NUP210L: variants seen among roughly 807,000 people sequenced by gnomAD.
NUP210L encodes nucleoporin 210 like, also known as nuclear pore membrane glycoprotein 210-like.
NUP210L carries 74 observed loss-of-function variants against 208.5 expected under a neutral mutation model. The ratio of observed to expected loss-of-function variants is 0.35; its 90% CI spans 0.29 to 0.43. The LOEUF is 0.43. Ranked by LOEUF, NUP210L falls within the 20% of genes least tolerant of loss-of-function variation. The pLI is 1.00. For synonymous variants in NUP210L, 780 were observed against 816.9 expected (o/e 0.95, Z 0.77); for missense variants, 1,843 against 2,289.4 (o/e 0.81, Z 3.98).
chr1:153,997,185 A>C (rs933524419), intron 37 of NUP210L, among the ~76,000 whole-genome samples: 1 of 151,306 alleles, frequency 6.6e-6, no homozygotes, highest in African/African-American at 2.4e-5. Flanking sequence ...GATGGTCTCG[A>C]ACTCCTCACC....
Position 154,095,164 on chromosome 1 carries a change from T to C in NUP210L, c.1966-8A>G. 6.3e-7 allele frequency: 1 copy of C among 1,598,972 alleles called. No homozygotes were observed. The highest frequency in any genetic ancestry group is 2.2e-5 in the East Asian group (1 of 44,782). ...TTCCACAGGATTTAAAGCCTGATGATATTTAAAGAAATTAATTCCTGATAG... is the reference window on the plus strand; with the variant it reads ...TTCCACAGGATTTAAAGCCTGATGACATTTAAAGAAATTAATTCCTGATAG... On this transcript the variant is annotated splice_polypyrimidine_tract_variant and splice_region_variant and intron_variant, in intron 14 of 39. Coordinates refer to ENST00000368559, the Ensembl canonical transcript of NUP210L.
At chr1:154,042,707 C>G (rs1202147699) in intron 27 of NUP210L, among the ~76,000 whole-genome samples, 1 of 149,190 alleles carries the variant, frequency 6.7e-6, no homozygotes, top group South Asian at 2.1e-4. Flanking sequence ...GGATTACAGG[C>G]GTGAGCCACC....
chr1:154,052,223 G>A (rs976973282), intron 25 of NUP210L, among the ~76,000 whole-genome samples: 3 of 152,122 alleles, frequency 2.0e-5, no homozygotes, highest in African/African-American at 7.2e-5. Context: ...TAATAACTTG[G>A]GGTAGAGGTT....
At chr1:154,123,288 G>A (rs2148109489) in intron 10 of NUP210L, among the ~76,000 whole-genome samples, 1 of 152,140 alleles carries the variant, frequency 6.6e-6, no homozygotes, top group East Asian at 1.9e-4. Flanking sequence ...CGGGATTATA[G>A]GCACGCGCCA....
intron 35 of NUP210L, among the ~76,000 whole-genome samples, chr1:154,005,393 T>C (rs1365946965): frequency 2.0e-5 from 3 of 151,400 alleles, no homozygotes; most frequent in African/African-American, 7.3e-5. Flanking sequence ...CAGGCCTGGC[T>C]AATTTTTGTA....
exon 34 of NUP210L, chr1:154,012,274 T>C (rs1305211538): frequency 6.2e-7 from 1 of 1,613,898 alleles, no homozygotes; most frequent in East Asian, 2.2e-5. Context: ...CTGCCAGTGG[T>C]GATGAAGAGC....
intron 35 of NUP210L, among the ~76,000 whole-genome samples, 198 bp downstream of exon 35, chr1:154,009,774 C>A: frequency 3.8e-5 from 5 of 132,992 alleles, no homozygotes; most frequent in African/African-American, 5.7e-5. Context: ...CCTTAGGCAA[C>A]ACAGCAAGAC....
chr1:153,999,161 G>A (rs1650063287), intron 37 of NUP210L, among the ~76,000 whole-genome samples: 1 of 152,180 alleles, frequency 6.6e-6, no homozygotes, highest in South Asian at 2.1e-4. Context: ...CCCATTAGGA[G>A]ATACACTATA....
intron 16 of NUP210L, among the ~76,000 whole-genome samples, chr1:154,080,539 C>T (rs180885545): frequency 6.6e-6 from 1 of 150,644 alleles, no homozygotes; most frequent in Non-Finnish European, 1.5e-5. Context: ...AAAAAATTTC[C>T]CAAGCACGGT....
rs1557994548 is a variant in NUP210L at position 154,125,620 on chromosome 1, TGAAA to T, written c.1326+699_1326+702del. Reference sequence around the variant, plus strand: ...CTGGCTGATGAAATGAGGCCCTCTCTGAAAGGAAGGAAGGAAGGAAGGAAGGAAG... The same window carrying T: ...CTGGCTGATGAAATGAGGCCCTCTCTGGAAGGAAGGAAGGAAGGAAGGAAG... On this transcript the variant is annotated intron_variant, in intron 10 of 39. Coordinates refer to ENST00000368559, the Ensembl canonical transcript of NUP210L. Among the ~76,000 whole-genome samples, 326 of 64,276 alleles carry T rather than the reference TGAAA, an allele frequency of 5.1e-3. 13 individuals carry two copies. Among genetic ancestry groups the T allele is most frequent in the African/African-American group, 0.02 (287 of 14,612 alleles). The allele number at this position is 64,276 out of a possible 152,430, so 42.2% of individuals were successfully genotyped here.
At chr1:154,011,437 T>G (rs767185311) in intron 34 of NUP210L, among the ~76,000 whole-genome samples, 3 of 151,802 alleles carry the variant, frequency 2.0e-5, no homozygotes, top group Non-Finnish European at 2.9e-5. Context: ...TTAGCCAGGC[T>G]GGTCTCGAAC....
chr1:154,148,055 C>T (rs1313697439), intron 2 of NUP210L, among the ~76,000 whole-genome samples: 4 of 149,034 alleles, frequency 2.7e-5, no homozygotes, highest in African/African-American at 7.4e-5. Flanking sequence ...GTCAGGAGTT[C>T]GAGACCAGCC....
At chr1:154,125,147 A>G (rs1325436550) in intron 10 of NUP210L, among the ~76,000 whole-genome samples, 1 of 152,054 alleles carries the variant, frequency 6.6e-6, no homozygotes, top group African/African-American at 2.4e-5. Context: ...TTTACAAAAA[A>G]TTTAAAAATT....
chr1:154,031,175 G>A (rs1232022913), intron 27 of NUP210L, among the ~76,000 whole-genome samples: 2 of 152,052 alleles, frequency 1.3e-5, no homozygotes, highest in Admixed American at 6.6e-5. Context: ...TGCAACCTCC[G>A]CCTCCTGGGT....
At position 154,101,433 on chromosome 1, in the gene NUP210L, G is replaced by T. The variant is rs1022564257; in HGVS notation, c.1820-1290C>A. On this transcript the variant is annotated intron_variant, in intron 13 of 39. Coordinates refer to ENST00000368559, the Ensembl canonical transcript of NUP210L. Reference sequence around the variant, plus strand: ...CGGAGGTTGCAGTGAGCCAAGACGTGCCATTGCACTCCAGCCTGGTGACAG... The same window carrying T: ...CGGAGGTTGCAGTGAGCCAAGACGTTCCATTGCACTCCAGCCTGGTGACAG... Among the ~76,000 whole-genome samples the T allele has an allele frequency of 4.6e-5, 7 of 152,146 alleles. No homozygotes were observed. In the South Asian group the frequency reaches 6.2e-4, roughly 13 times the overall value.
At chr1:153,995,216 A>T in intron 37 of NUP210L, 36 bp from the exon 38 acceptor site, 1 of 1,405,458 alleles carries the variant, frequency 7.1e-7, no homozygotes, top group Non-Finnish European at 1.0e-6. Context: ...GATAATAGTT[A>T]ATAGCAACCA....
At chr1:154,130,978 G>A (rs1189443833) in intron 7 of NUP210L, among the ~76,000 whole-genome samples, 2 of 151,950 alleles carry the variant, frequency 1.3e-5, no homozygotes, top group African/African-American at 4.8e-5. Flanking sequence ...TAACATATAA[G>A]AGCTAGGGCC....
exon 28 of NUP210L, chr1:154,030,008 T>C: frequency 1.2e-6 from 2 of 1,610,794 alleles, no homozygotes; most frequent in South Asian, 1.1e-5. Flanking sequence ...TGCTTTTGTA[T>C]GGACAACCAT....
intron 32 of NUP210L, 99 bp from the exon 33 acceptor site, chr1:154,019,168 A>G (rs1651420441): frequency 1.6e-6 from 2 of 1,234,564 alleles, no homozygotes; most frequent in African/African-American, 1.5e-5. Context: ...AAGCATGCAG[A>G]TATCTCTTCC....
Sources: allele counts gnomAD v4.1 joint callset (sites outside exome capture counted in the v4.1 genomes callset), GRCh38; gene constraint gnomAD v4.1.1; transcripts MANE v1.5; gene names NCBI Gene and HGNC (gene_info 2026-07-23, HGNC 2026-07-21).